SYNPR: variants seen among roughly 807,000 people sequenced by gnomAD.
The protein encoded by SYNPR is synaptoporin.
SYNPR carries 23 observed loss-of-function variants against 32.9 expected under a neutral mutation model. The ratio of observed to expected loss-of-function variants is 0.70; its 90% CI spans 0.50 to 0.99. The LOEUF (loss-of-function observed/expected upper bound fraction) is 0.99. SYNPR is among the 50% of genes least tolerant of loss of function. The probability of loss-of-function intolerance (pLI) is 0.00; values close to 1 mark genes in which losing one functional copy is unlikely to be tolerated. For missense variants in SYNPR, 318 were observed against 349.3 expected, an observed-to-expected ratio of 0.91 and a Z score of 0.71; for synonymous variants, 146 against 135.9, an observed-to-expected ratio of 1.07 and a Z score of -0.52.
intron 2 of SYNPR, among the ~76,000 whole-genome samples, chr3:63,373,728 C>T (rs747526977): frequency 1.3e-5 from 2 of 152,042 alleles, no homozygotes; most frequent in Admixed American, 1.3e-4. Flanking sequence ...ACACAGAGAA[C>T]CCCTGCAAGA....
At chr3:63,486,464 C>G (rs1701152729) in intron 3 of SYNPR, among the ~76,000 whole-genome samples, 1 of 152,188 alleles carries the variant, frequency 6.6e-6, no homozygotes, top group African/African-American at 2.4e-5. Context: ...CATTAACACA[C>G]CTTTCATTAT....
intron 2 of SYNPR, among the ~76,000 whole-genome samples, chr3:63,336,501 C>T (rs1322252262): frequency 2.9e-5 from 1 of 34,332 alleles, no homozygotes; most frequent in Admixed American, 4.6e-4. Context: ...AGTACTAGAA[C>T]AAGTGGACAT....
chr3:63,433,137 A>C (rs1054807271), intron 2 of SYNPR, among the ~76,000 whole-genome samples: 7 of 152,300 alleles, frequency 4.6e-5, no homozygotes, highest in African/African-American at 1.7e-4. Flanking sequence ...TTTTCTGAAT[A>C]GGGTCTAAGG....
intron 4 of SYNPR, among the ~76,000 whole-genome samples, chr3:63,605,980 AG>A (rs1241416135): frequency 1.3e-5 from 2 of 152,264 alleles, no homozygotes; most frequent in Admixed American, 6.5e-5. Context: ...GTGATATAAA[AG>A]TTTACATTTA....
At chr3:63,385,092 C>T (rs1421598884) in intron 2 of SYNPR, among the ~76,000 whole-genome samples, 1 of 152,114 alleles carries the variant, frequency 6.6e-6, no homozygotes, top group Non-Finnish European at 1.5e-5. Flanking sequence ...CCTACTTTCT[C>T]AATTTTTTCA....
intron 2 of SYNPR, among the ~76,000 whole-genome samples, chr3:63,378,533 G>C (rs897349133): frequency 6.6e-6 from 1 of 151,902 alleles, no homozygotes; most frequent in Non-Finnish European, 1.5e-5. Flanking sequence ...GCCAATATTG[G>C]AGTTTTGATA....
At position 63,366,470 on chromosome 3, in the gene SYNPR, A is replaced by T. The variant is rs1001036187; in HGVS notation, c.84+87728A>T. On this transcript the variant is annotated intron_variant, in intron 2 of 5. Coordinates refer to ENST00000478300, the MANE Select transcript of SYNPR (RefSeq NM_001130003.2). ...AGGAAATTTTCTGGAGCATAATTTC[A>T]TATAAAGTATGTGTACTTTTATAGA... is the stretch of plus-strand genomic sequence containing the variant. 2.0e-5 allele frequency among the ~76,000 whole-genome samples: 3 copies of T among 151,918 alleles called. No homozygotes were observed. In the South Asian group the frequency reaches 6.3e-4, roughly 32 times the overall value.
chr3:63,334,140 G>A (rs944624382), intron 2 of SYNPR, among the ~76,000 whole-genome samples: 1 of 152,302 alleles, frequency 6.6e-6, no homozygotes, highest in South Asian at 2.1e-4. Context: ...AATTGCAAAT[G>A]GTTTAGCTAT....
chr3:63,557,338 C>T (rs1348098436), intron 4 of SYNPR, among the ~76,000 whole-genome samples: 1 of 152,260 alleles, frequency 6.6e-6, no homozygotes. Flanking sequence ...TTTACATGTG[C>T]ATTTGCCCAA....
rs1375776927 is a variant in SYNPR, at chr3:63,476,270, AGGGAGGGAG to A, written c.85-4559_85-4551del. On this transcript the variant is annotated intron_variant, in intron 2 of 5. Coordinates refer to ENST00000478300, the MANE Select transcript of SYNPR (RefSeq NM_001130003.2). ...GAGGGAGAGAAGAAGGAAGGAAGGA[AGGGAGGGAG>A]GGAAGGAAGGGAAGGGAGGGAAGGA... Among the ~76,000 whole-genome samples the A allele has an allele frequency of 3.6e-3, 274 of 77,126 alleles. 5 individuals are homozygous for A. The highest frequency in any genetic ancestry group is 6.1e-3 in the Admixed American group (39 of 6,388). 50.6% of individuals were successfully genotyped at this position (77,126 alleles called of 152,430 possible).
chr3:63,500,698 T>C (rs1701462316), intron 3 of SYNPR, among the ~76,000 whole-genome samples: 1 of 152,178 alleles, frequency 6.6e-6, no homozygotes, highest in East Asian at 1.9e-4. Context: ...CCAGCTCTTA[T>C]CTTCTCAAAA....
At chr3:63,206,944 C>T in the SYNPR span, among the ~76,000 whole-genome samples, 1 of 151,968 alleles carries the variant, frequency 6.6e-6, no homozygotes, top group Admixed American at 6.6e-5. Context: ...GCTCTAATTG[C>T]CTAAAGTAGA....
chr3:63,516,473 T>C (rs1316580543), intron 3 of SYNPR, among the ~76,000 whole-genome samples: 2 of 152,160 alleles, frequency 1.3e-5, no homozygotes, highest in African/African-American at 2.4e-5. Context: ...TCTGGTGTTA[T>C]ACAAAATTAC....
At chr3:63,540,920 TC>T (rs78477531) in intron 3 of SYNPR, among the ~76,000 whole-genome samples, 14,336 of 109,744 alleles carry the variant, frequency 0.13, 1,072 homozygotes, top group Middle Eastern at 0.3. Flanking sequence ...ACACACACAA[TC>T]CCCCCCCCAA....
At chr3:63,398,018 A>T (rs968292266) in intron 2 of SYNPR, among the ~76,000 whole-genome samples, 1 of 152,198 alleles carries the variant, frequency 6.6e-6, no homozygotes, top group African/African-American at 2.4e-5. Flanking sequence ...GAGGATGGAA[A>T]AGCTGGTCAC....
intron 2 of SYNPR, among the ~76,000 whole-genome samples, chr3:63,479,726 G>A (rs1327884636): frequency 2.6e-5 from 4 of 152,074 alleles, no homozygotes; most frequent in East Asian, 1.9e-4. Context: ...GTGTCACACC[G>A]CAAATAGCAA....
intron 4 of SYNPR, among the ~76,000 whole-genome samples, chr3:63,597,484 T>TA (rs1699978615): frequency 6.6e-6 from 1 of 152,148 alleles, no homozygotes; most frequent in South Asian, 2.1e-4. Flanking sequence ...GCATTGAAAA[T>TA]GGTGTAGCAC....
At chr3:63,254,850 C>A (rs2086368544) in intron 2 of SYNPR, among the ~76,000 whole-genome samples, 1 of 152,010 alleles carries the variant, frequency 6.6e-6, no homozygotes, top group Non-Finnish European at 1.5e-5. Flanking sequence ...AGGGTGGGCC[C>A]TAATCCAATA....
At chr3:63,515,837 C>A (rs1024782779) in intron 3 of SYNPR, among the ~76,000 whole-genome samples, 1 of 151,892 alleles carries the variant, frequency 6.6e-6, no homozygotes, top group Non-Finnish European at 1.5e-5. Flanking sequence ...TTTTTTCACA[C>A]GAAAAAGGTA....
Sources: allele counts gnomAD v4.1 joint callset (sites outside exome capture counted in the v4.1 genomes callset), GRCh38; gene constraint gnomAD v4.1.1; transcripts MANE v1.5; gene names NCBI Gene and HGNC (gene_info 2026-07-23, HGNC 2026-07-21).